UBR2: variants seen among roughly 807,000 people sequenced by gnomAD.
UBR2 encodes ubiquitin protein ligase E3 component n-recognin 2.
Under a neutral mutation model 247.9 loss-of-function variants are expected in UBR2, and 92 were observed. The observed-to-expected ratio is 0.37, with a 90% CI of 0.31 to 0.44. The LOEUF is 0.44. Ranked by LOEUF, UBR2 falls within the 20% of genes least tolerant of loss-of-function variation. The pLI, the probability that UBR2 is intolerant of heterozygous loss-of-function variation, is 1.00. For missense variants in UBR2, 1,613 were observed against 2,112.6 expected, an observed-to-expected ratio of 0.76 and a Z score of 4.64; for synonymous variants, 672 against 693.5, an observed-to-expected ratio of 0.97 and a Z score of 0.49.
chr6:42,640,044 A>G (rs1287868432), intron 15 of UBR2, among the ~76,000 whole-genome samples, 165 bp from the exon 16 acceptor site: 1 of 152,216 alleles, frequency 6.6e-6, no homozygotes, highest in Admixed American at 6.5e-5. Context: ...TAATAATAAT[A>G]ATAAGCCTCT....
In UBR2 at chr6:42,622,162, C is replaced by T. The variant is rs898368055; in HGVS notation, c.1281+4655C>T. ...TCCCGAGTAGCTGGGATTACAGACA[C>T]CTGCTGCCACCACGCCTGGCTAATT... On this transcript the variant is annotated intron_variant, in intron 11 of 46. Coordinates refer to ENST00000372901, the MANE Select transcript of UBR2 (RefSeq NM_001363705.2). 6.6e-5 allele frequency among the ~76,000 whole-genome samples: 10 copies of T among 151,816 alleles called. No homozygotes were observed. In the East Asian group the frequency reaches 1.9e-3, roughly 30 times the overall value.
intron 2 of UBR2, among the ~76,000 whole-genome samples, chr6:42,577,632 G>T (rs1055300496): frequency 6.8e-6 from 1 of 146,484 alleles, no homozygotes; most frequent in South Asian, 2.1e-4. Flanking sequence ...AAAATAAAAC[G>T]AGTAGAATAT....
chr6:42,605,087 C>T (rs572262071), intron 5 of UBR2, among the ~76,000 whole-genome samples: 3 of 152,122 alleles, frequency 2.0e-5, no homozygotes, highest in African/African-American at 7.2e-5. Context: ...TGTCTCTCTC[C>T]AGACCAGACT....
rs541129244 is a variant in UBR2, at chr6:42,658,225, CT to C, written c.2983-5del. 1.1e-3 allele frequency: 1,422 copies of C among 1,306,178 alleles called. No individual in the cohort carries two copies. Among genetic ancestry groups the C allele is most frequent in the Admixed American group, 2.9e-3 (142 of 49,670 alleles). 80.9% of individuals were successfully genotyped at this position (1,306,178 alleles called of 1,614,324 possible). ...TCATATTTCATACAGGATACTGATACTTTTTTTTTTGTAGACTTTTAATGCT... is the reference window on the plus strand; with the variant it reads ...TCATATTTCATACAGGATACTGATACTTTTTTTTTGTAGACTTTTAATGCT... On this transcript the variant is annotated splice_polypyrimidine_tract_variant and intron_variant, in intron 27 of 46. Coordinates refer to ENST00000372901, the MANE Select transcript of UBR2 (RefSeq NM_001363705.2).
chr6:42,589,710 T>C (rs1285035712), intron 2 of UBR2, among the ~76,000 whole-genome samples: 2 of 152,224 alleles, frequency 1.3e-5, no homozygotes, highest in Non-Finnish European at 2.9e-5. Flanking sequence ...TTGTTTGTAC[T>C]CATTTTTGAA....
At chr6:42,615,821 G>A (rs1379912901) in intron 9 of UBR2, among the ~76,000 whole-genome samples, 181 bp from the exon 10 acceptor site, 1 of 151,788 alleles carries the variant, frequency 6.6e-6, no homozygotes, top group Non-Finnish European at 1.5e-5. Context: ...CACTGTGGGA[G>A]GCCAAGGCAG....
chr6:42,603,650 G>A lies in UBR2; in HGVS notation c.594G>A (p.Thr198=), dbSNP rs1440388705. ...IARTYNIFAI[T]FRYAVEILTW... ...GAACTTATAACATTTTTGCTATTAC[G>A]TTTCGGTATGCAGTAGAAATATTAA... The change falls in exon 5 of 47, where the codon ACG becomes ACA. Residue 198 remains threonine (T), a synonymous_variant. Coordinates refer to ENST00000372901, the MANE Select transcript of UBR2 (RefSeq NM_001363705.2). 14 of 1,599,210 alleles carry A rather than the reference G, an allele frequency of 8.8e-6. No individual in the cohort carries two copies. Among genetic ancestry groups the A allele is most frequent in the Non-Finnish European group, 1.2e-5 (14 of 1,176,564 alleles).
intron 31 of UBR2, 57 bp from the exon 32 acceptor site, chr6:42,663,201 G>T: frequency 1.3e-5 from 18 of 1,352,526 alleles, no homozygotes; most frequent in South Asian, 1.8e-5. Context: ...GAAGCTTATG[G>T]CTGTCATTTA....
At chr6:42,662,343 G>T in intron 31 of UBR2, 66 bp downstream of exon 31, 1 of 1,020,990 alleles carries the variant, frequency 9.8e-7, no homozygotes. Flanking sequence ...TTTAAATAGA[G>T]GAAATTTCAT....
At chr6:42,567,305 C>T (rs1016474530) in intron 1 of UBR2, among the ~76,000 whole-genome samples, 7 of 152,128 alleles carry the variant, frequency 4.6e-5, no homozygotes, top group Non-Finnish European at 7.4e-5. Flanking sequence ...ATTACAGTGG[C>T]CCTCTCTTCT....
chr6:42,631,860 T>TATA (rs1795733597), intron 11 of UBR2, among the ~76,000 whole-genome samples: 2 of 61,506 alleles, frequency 3.3e-5, no homozygotes, highest in African/African-American at 5.0e-5. Context: ...TACTCTGATT[T>TATA]TATATATATA....
At chr6:42,641,454 T>A (rs921929022) in intron 16 of UBR2, 128 bp from the exon 17 acceptor site, 22 of 560,440 alleles carry the variant, frequency 3.9e-5, no homozygotes, top group Middle Eastern at 1.1e-3. Context: ...TCTCAAAAAA[T>A]AATAATAATA....
At position 42,676,811 on chromosome 6, in the gene UBR2, C is replaced by T. The variant is rs779784650; in HGVS notation, c.4416C>T (p.Pro1472=). Residue 1472 remains proline (P), a synonymous_variant, in exon 40 of 47, where the codon CCC becomes CCT. Coordinates refer to ENST00000372901, the MANE Select transcript of UBR2 (RefSeq NM_001363705.2). Reference sequence around the variant, plus strand: ...AGAATGGCATGGATCAAGAAAATCCCCCTTGTGAAGAAGAATCAGCAGTTC... The same window carrying T: ...AGAATGGCATGGATCAAGAAAATCCTCCTTGTGAAGAAGAATCAGCAGTTC... ...TEENGMDQEN[P]PCEEESAVLA... 2 of 1,613,920 alleles carry T rather than the reference C, an allele frequency of 1.2e-6. No homozygotes were observed. The highest frequency in any genetic ancestry group is 1.1e-5 in the South Asian group (1 of 91,080).
At chr6:42,610,494 A>C (rs1280407751) in intron 7 of UBR2, among the ~76,000 whole-genome samples, 3 of 152,250 alleles carry the variant, frequency 2.0e-5, no homozygotes, top group Non-Finnish European at 4.4e-5. Context: ...ATGGTACATT[A>C]CTCAGTCTTA....
At position 42,659,602 on chromosome 6, in the gene UBR2, A is replaced by T; in HGVS notation, c.3243-54A>T. 1.3e-6 allele frequency: 2 copies of T among 1,504,712 alleles called. No individual in the cohort carries two copies. The highest frequency in any genetic ancestry group is 9.1e-7 in the Non-Finnish European group (1 of 1,101,792). 93.2% of individuals were successfully genotyped at this position (1,504,712 alleles called of 1,614,324 possible). ...CATACCTGTAGTCTGCTATTTTGTG[A>T]TTATATAGAAAGTTTTGGGATCATT... On this transcript the variant is annotated intron_variant, in intron 29 of 46. Transcript: ENST00000372901. The surrounding 1 kb of genome is among the most constrained non-coding windows in gnomAD (Gnocchi z 4.3).
At position 42,606,649 on chromosome 6, in the gene UBR2, G is replaced by A. The variant is rs777454339; in HGVS notation, c.862G>A (p.Val288Met). The stretch of plus-strand genomic sequence containing the variant: ...TTGTGAGCAAGCAAAATCAGTAATT[G>A]TGGTAAGTAATTTAAAAACATGCTT... Reference protein sequence around the residue: ...QYCEQAKSVIVRNTSRQTKPL... With the variant: ...QYCEQAKSVIMRNTSRQTKPL... The change falls in exon 7 of 47, where the codon GTG becomes ATG. Residue 288 changes from valine (V) to methionine (M), a missense_variant and splice_region_variant. Val to Met is a conservative substitution (Grantham distance 21). Transcript: ENST00000372901. The A allele has an allele frequency of 3.5e-5, 56 of 1,601,782 alleles. No homozygotes were observed. The highest frequency in any genetic ancestry group is 4.8e-5 in the Non-Finnish European group (56 of 1,175,036).
intron 11 of UBR2, among the ~76,000 whole-genome samples, chr6:42,624,244 G>A (rs1795189750): frequency 1.3e-5 from 2 of 151,530 alleles, no homozygotes; most frequent in Admixed American, 1.3e-4. Context: ...GTGTGCAAGT[G>A]ATCCACCTCA....
chr6:42,586,538 C>CTTTTTT (rs147830824), intron 2 of UBR2, among the ~76,000 whole-genome samples: 60 of 97,244 alleles, frequency 6.2e-4, no homozygotes, highest in Middle Eastern at 6.3e-3. Flanking sequence ...GTTTGTCTCT[C>CTTTTTT]TTTTTTTTTT....
chr6:42,592,903 A>G (rs1396589402), intron 3 of UBR2, among the ~76,000 whole-genome samples: 2 of 152,164 alleles, frequency 1.3e-5, no homozygotes, highest in Admixed American at 1.3e-4. Context: ...GGCCGGGCGC[A>G]GTGGCTAATG....
Sources: gnomAD v4.1 joint callset for allele counts (sites outside exome capture counted in the v4.1 genomes callset) on GRCh38, gnomAD v4.1.1 for gene constraint, Gnocchi (gnomAD v3.1) non-coding constraint, MANE v1.5 for transcripts, NCBI Gene and HGNC (gene_info 2026-07-23, HGNC 2026-07-21) for gene names.